Variants in CDKN2B-AS1 observed in about 807,000 individuals in gnomAD.
The protein encoded by CDKN2B-AS1 is CDKN2B and CDKN2A antisense cis and trans regulatory RNA 1, also known as CDKN2B antisense RNA 1 (non-protein coding).
At chr9:22,062,776 C>T (rs950087235) in intron 4 of CDKN2B-AS1, among the ~76,000 whole-genome samples, 2 of 151,686 alleles carry the variant, frequency 1.3e-5, no homozygotes, top group Non-Finnish European at 2.9e-5. Flanking sequence ...CCTTTCTCAG[C>T]TTTAGTTTCC....
At chr9:22,048,081 C>T (rs1823185053) in intron 2 of CDKN2B-AS1, among the ~76,000 whole-genome samples, 1 of 152,024 alleles carries the variant, frequency 6.6e-6, no homozygotes, top group African/African-American at 2.4e-5. Context: ...AGGCGTGAGT[C>T]AGTGCGCCTG....
intron 3 of CDKN2B-AS1, among the ~76,000 whole-genome samples, chr9:22,052,668 A>G (rs1410189324): frequency 6.6e-6 from 1 of 152,246 alleles, no homozygotes; most frequent in Admixed American, 6.5e-5. Flanking sequence ...GGTTTATCCC[A>G]GGACATTAGT....
chr9:22,096,351 A>G (rs1825274404), intron 4 of CDKN2B-AS1: 1 of 152,212 alleles, frequency 6.6e-6, no homozygotes, highest in Admixed American at 6.5e-5. Flanking sequence ...ATTCCTGACT[A>G]TGAACTTGGC....
intron 4 of CDKN2B-AS1, among the ~76,000 whole-genome samples, chr9:22,073,414 A>G (rs921036493): frequency 2.6e-5 from 4 of 152,154 alleles, no homozygotes; most frequent in Non-Finnish European, 4.4e-5. Context: ...ATTAGCAAAA[A>G]TCCCCTAGCA....
At chr9:22,025,509 C>G (rs1822195516) in intron 1 of CDKN2B-AS1, among the ~76,000 whole-genome samples, 1 of 152,042 alleles carries the variant, frequency 6.6e-6, no homozygotes, top group South Asian at 2.1e-4. Context: ...GAGGTCCAGG[C>G]CTGGAGGACC....
At chr9:22,017,165 G>T (rs1372104320) in intron 1 of CDKN2B-AS1, among the ~76,000 whole-genome samples, 1 of 152,098 alleles carries the variant, frequency 6.6e-6, no homozygotes, top group Admixed American at 6.5e-5. Context: ...AGTGGCTCAC[G>T]CCTGTAATCC....
At chr9:22,103,180 G>GTGT (rs1299495049) in intron 4 of CDKN2B-AS1, among the ~76,000 whole-genome samples, 1 of 88,620 alleles carries the variant, frequency 1.1e-5, no homozygotes, top group Non-Finnish European at 2.6e-5. Flanking sequence ...TGTGTGTGTG[G>GTGT]TGCGTGAAGA....
At chr9:22,040,629 T>G (rs141993733) in intron 1 of CDKN2B-AS1, among the ~76,000 whole-genome samples, 3 of 152,108 alleles carry the variant, frequency 2.0e-5, no homozygotes, top group Non-Finnish European at 4.4e-5. Flanking sequence ...CTCCTTGATA[T>G]TCCTGAGTTA....
In CDKN2B-AS1 at chr9:21,997,029, A is replaced by G. The variant is rs1003252271; in HGVS notation, n.29+1868A>G. On this transcript the variant is annotated intron_variant and non_coding_transcript_variant, in intron 1 of 4. Transcript: ENST00000650946. This position sits in a 1 kb window ranked among gnomAD's most constrained non-coding sequence, Gnocchi z 4.8. ...TATGTATATGTATATACACACCGTC[A>G]TGGGGTTGCTTAACAACAGGGATAC... Among the ~76,000 whole-genome samples, 1 of 152,210 alleles carries G rather than the reference A, an allele frequency of 6.6e-6. No homozygotes were observed. The highest frequency in any genetic ancestry group is 1.5e-5 in the Non-Finnish European group (1 of 68,040).
chr9:22,045,094 G>A (rs1230898116), intron 1 of CDKN2B-AS1, among the ~76,000 whole-genome samples: 1 of 140,188 alleles, frequency 7.1e-6, no homozygotes, highest in Non-Finnish European at 1.5e-5. Context: ...TTAATATGTG[G>A]TCTCCCTATG....
At position 22,022,370 on chromosome 9, in the gene CDKN2B-AS1, A is replaced by C. The variant is rs559342786; in HGVS notation, n.30-24381A>C. Among the ~76,000 whole-genome samples, 12 of 149,494 alleles carry C rather than the reference A, an allele frequency of 8.0e-5. 1 individual carries two copies. The South Asian group carries it at 2.1e-3, about 26-fold the overall frequency. On this transcript the variant is annotated intron_variant and non_coding_transcript_variant, in intron 1 of 4. Coordinates refer to ENST00000650946, the Ensembl canonical transcript of CDKN2B-AS1. ...GTGTATATATATTTAGGATAGTTAG[A>C]TTTTCTCGTTGAATTGAACCCTTTA...
rs564092888 is a variant in CDKN2B-AS1 at position 22,005,210 on chromosome 9, C to G, written n.29+10049C>G. ...ACTCCACCACCTCATCCTGTGTAGT[C>G]TGCCTGCGGAACCCGCGGGAATCTC... On this transcript the variant is annotated intron_variant and non_coding_transcript_variant, in intron 1 of 4. Transcript: ENST00000650946. The surrounding 1 kb of genome is among the most constrained non-coding windows in gnomAD (Gnocchi z 4.9). 7.7e-5 allele frequency: 18 copies of G among 233,550 alleles called. No homozygotes were observed. In the East Asian group the frequency reaches 1.1e-3, roughly 14 times the overall value. 14.5% of individuals were successfully genotyped at this position (233,550 alleles called of 1,614,324 possible).
intron 4 of CDKN2B-AS1, among the ~76,000 whole-genome samples, chr9:22,078,992 T>C (rs1824596303): frequency 6.6e-6 from 1 of 152,238 alleles, no homozygotes; most frequent in Non-Finnish European, 1.5e-5. Context: ...GTCACCATTA[T>C]GGAAGCCTTA....
chr9:22,078,084 G>A (rs1443841344), intron 4 of CDKN2B-AS1, among the ~76,000 whole-genome samples: 2 of 151,726 alleles, frequency 1.3e-5, no homozygotes, highest in African/African-American at 2.4e-5. Context: ...TTACTATCCT[G>A]GTCCCTTTCT....
At chr9:22,109,619 C>G (rs928255415) in intron 4 of CDKN2B-AS1, among the ~76,000 whole-genome samples, 27 of 152,096 alleles carry the variant, frequency 1.8e-4, no homozygotes, top group African/African-American at 6.5e-4. Context: ...GTATTCGATG[C>G]TGGTGATGGA....
intron 4 of CDKN2B-AS1, among the ~76,000 whole-genome samples, chr9:22,057,990 ACCTGTAATCCCAG>A (rs1389657600): frequency 3.4e-5 from 5 of 145,578 alleles, no homozygotes; most frequent in Non-Finnish European, 1.5e-5. Flanking sequence ...GGTGGTGGGC[ACCTGTAATCCCAG>A]CTACTGGGGA....
At chr9:22,079,100 T>A (rs1474882247) in intron 4 of CDKN2B-AS1, among the ~76,000 whole-genome samples, 1 of 152,242 alleles carries the variant, frequency 6.6e-6, no homozygotes, top group Non-Finnish European at 1.5e-5. Context: ...TCCTCAGTTC[T>A]AATTCAGTTT....
At chr9:22,003,293 A>C (rs1262729560) in intron 1 of CDKN2B-AS1, 2 of 201,776 alleles carry the variant, frequency 9.9e-6, no homozygotes, top group African/African-American at 4.6e-5. Flanking sequence ...AAACTAACAA[A>C]ACAAACAAAA....
intron 4 of CDKN2B-AS1, among the ~76,000 whole-genome samples, chr9:22,126,243 T>C (rs1202419502): frequency 2.0e-5 from 3 of 152,180 alleles, no homozygotes; most frequent in Non-Finnish European, 2.9e-5. Context: ...TCCAGGGCAA[T>C]CATACATCCA....
Sources: gnomAD v4.1 joint callset for allele counts (sites outside exome capture counted in the v4.1 genomes callset) on GRCh38, gnomAD v4.1.1 for gene constraint, Gnocchi (gnomAD v3.1) non-coding constraint, MANE v1.5 for transcripts, NCBI Gene and HGNC (gene_info 2026-07-23, HGNC 2026-07-21) for gene names.